Variants in FRMPD4 observed in about 807,000 individuals in gnomAD.
FRMPD4 encodes FERM and PDZ domain-containing protein 4.
A neutral mutation model predicts 94.1 loss-of-function variants in FRMPD4; 22 were observed. That is an observed-to-expected ratio of 0.23 (90% confidence interval 0.17 to 0.33). The LOEUF is 0.33. Ranked by LOEUF, FRMPD4 falls within the 10% of genes least tolerant of loss-of-function variation. The pLI is 1.00. For missense variants in FRMPD4, 1,111 were observed against 1,339.9 expected (o/e 0.83, Z 2.67); for synonymous variants, 631 against 548.6 (o/e 1.15, Z -2.10).
intron 1 of FRMPD4, among the ~76,000 whole-genome samples, chrX:12,141,019 C>T (rs1256613463): frequency 9.0e-6 from 1 of 111,627 alleles, no homozygotes; most frequent in Non-Finnish European, 1.9e-5. Flanking sequence ...AGGATGGTCC[C>T]CGTGCTGAGA....
At chrX:12,494,887 A>T in intron 1 of FRMPD4, 1 of 150,305 alleles carries the variant, frequency 6.7e-6, no homozygotes, top group Non-Finnish European at 1.2e-5. Flanking sequence ...GAAGTGACTT[A>T]AATAGCCCTG....
intron 1 of FRMPD4, among the ~76,000 whole-genome samples, chrX:11,862,929 C>A (rs923669171): frequency 2.9e-5 from 3 of 103,399 alleles, no homozygotes; most frequent in African/African-American, 1.1e-4. Flanking sequence ...AGGGTAGCAA[C>A]CTGATTGGAG....
At chrX:12,560,518 G>C (rs2058644218) in intron 2 of FRMPD4, among the ~76,000 whole-genome samples, 1 of 104,633 alleles carries the variant, frequency 9.6e-6, no homozygotes, top group South Asian at 4.2e-4. Flanking sequence ...CAGCAATGGT[G>C]TAACTTTTGG....
intron 1 of FRMPD4, among the ~76,000 whole-genome samples, chrX:12,484,308 CAGA>C (rs1257975485): frequency 5.4e-5 from 6 of 112,069 alleles, no homozygotes; most frequent in Non-Finnish European, 9.4e-5. Context: ...ATTGCTGGAG[CAGA>C]AGGAGAAATA....
chrX:12,047,965 G>A (rs2054795318), intron 3 of FRMPD4, among the ~76,000 whole-genome samples: 1 of 112,859 alleles, frequency 8.9e-6, no homozygotes, highest in Admixed American at 9.4e-5. Context: ...GAACATGTGA[G>A]TGCATTTGTC....
chrX:11,877,737 A>C (rs1202903669), intron 2 of FRMPD4, among the ~76,000 whole-genome samples: 1 of 112,432 alleles, frequency 8.9e-6, no homozygotes, highest in East Asian at 2.8e-4. Flanking sequence ...GTTTAAGAAT[A>C]TCTGGTTTCC....
chrX:12,456,680 T>C (rs1389384000), intron 1 of FRMPD4, among the ~76,000 whole-genome samples: 2 of 113,050 alleles, frequency 1.8e-5, no homozygotes, highest in Non-Finnish European at 3.7e-5. Context: ...AATAACTTAT[T>C]GTAAGATTCT....
chrX:12,661,410 A>G (rs2059712267), intron 4 of FRMPD4, among the ~76,000 whole-genome samples: 2 of 112,020 alleles, frequency 1.8e-5, no homozygotes, highest in Admixed American at 1.9e-4. Flanking sequence ...TGAAAATGGT[A>G]GTAGGAGAAA....
At chrX:12,680,319 T>C (rs960606559) in intron 5 of FRMPD4, among the ~76,000 whole-genome samples, 1 of 112,395 alleles carries the variant, frequency 8.9e-6, no homozygotes, top group Non-Finnish European at 1.9e-5. Flanking sequence ...TATGAAGTGC[T>C]TGTGATCAAC....
At chrX:12,074,216 A>G (rs1167801084) in intron 3 of FRMPD4, among the ~76,000 whole-genome samples, 1 of 112,117 alleles carries the variant, frequency 8.9e-6, no homozygotes, top group East Asian at 2.8e-4. Flanking sequence ...ATTACTTGCT[A>G]TAAAAACATT....
At chrX:12,443,967 A>G (rs2057166610) in intron 1 of FRMPD4, among the ~76,000 whole-genome samples, 1 of 111,360 alleles carries the variant, frequency 9.0e-6, no homozygotes, top group Non-Finnish European at 1.9e-5. Flanking sequence ...TCATTTTGAC[A>G]CTTCTAACTT....
chrX:12,212,062 C>T (rs1175917910), intron 1 of FRMPD4, among the ~76,000 whole-genome samples: 1 of 111,554 alleles, frequency 9.0e-6, no homozygotes, highest in African/African-American at 3.3e-5. Context: ...AGTTCCTCCC[C>T]ACAGCCATCC....
In FRMPD4 at chrX:12,329,903, C is replaced by G. The variant is rs191948348; in HGVS notation, c.42-168777C>G. The stretch of plus-strand genomic sequence containing the variant: ...CAACAACAACTTAAATCTCACTGCC[C>G]CTATCTTGGCCAACAGTCAAAAAGC... On this transcript the variant is annotated intron_variant, in intron 1 of 16. Transcript: ENST00000675598. 9.5e-3 allele frequency among the ~76,000 whole-genome samples: 1,037 copies of G among 109,557 alleles called. 11 individuals carry two copies. Among genetic ancestry groups the G allele is most frequent in the African/African-American group, 0.033 (990 of 30,103 alleles).
At chrX:11,947,822 C>T (rs2147362255) in intron 3 of FRMPD4, among the ~76,000 whole-genome samples, 1 of 111,182 alleles carries the variant, frequency 9.0e-6, no homozygotes, top group African/African-American at 3.3e-5. Flanking sequence ...TGCAGTGGCT[C>T]ACGCCTGTAA....
chrX:12,585,894 G>A (rs1398688453), intron 2 of FRMPD4, among the ~76,000 whole-genome samples: 1 of 112,460 alleles, frequency 8.9e-6, no homozygotes, highest in Admixed American at 9.4e-5. Flanking sequence ...AGCTATGTCT[G>A]CTGAAAATTG....
At chrX:12,312,814 G>T (rs1283871903) in intron 1 of FRMPD4, among the ~76,000 whole-genome samples, 1 of 105,584 alleles carries the variant, frequency 9.5e-6, no homozygotes, top group African/African-American at 3.4e-5. Context: ...CTTATGGTGG[G>T]ATTCCTCTGC....
chrX:12,607,926 A>G (rs920381167), intron 2 of FRMPD4, among the ~76,000 whole-genome samples: 2 of 112,529 alleles, frequency 1.8e-5, no homozygotes, highest in Non-Finnish European at 3.8e-5. Context: ...CCTCATTCTT[A>G]TTAATTATGC....
intron 1 of FRMPD4, among the ~76,000 whole-genome samples, chrX:12,276,764 T>G (rs1273454825): frequency 9.0e-6 from 1 of 111,545 alleles, no homozygotes; most frequent in African/African-American, 3.3e-5. Flanking sequence ...TCCATTCAGA[T>G]GATTGTGGGG....
rs766698362 is a variant in FRMPD4 at position 12,163,111 on chromosome X, A to G, written c.41+24099A>G. Among the ~76,000 whole-genome samples, 6 of 110,753 alleles carry G rather than the reference A, an allele frequency of 5.4e-5. No individual in the cohort carries two copies. The East Asian group carries it at 1.1e-3, about 21-fold the overall frequency. On this transcript the variant is annotated intron_variant, in intron 1 of 16. Transcript: ENST00000675598. ...TTATGTACAGGTGAAAATGAAATAG[A>G]TGGTTGCCAGAAGATGGTTTCCAAA...
Sources: allele counts gnomAD v4.1 joint callset (sites outside exome capture counted in the v4.1 genomes callset), GRCh38; gene constraint gnomAD v4.1.1; transcripts MANE v1.5; gene names NCBI Gene and HGNC (gene_info 2026-07-23, HGNC 2026-07-21).